FAM117A: variants seen among roughly 807,000 people sequenced by gnomAD.
The protein encoded by FAM117A is family with sequence similarity 117 member A.
In FAM117A, 21 loss-of-function variants were observed where a neutral mutation model predicts 44.1. The ratio of observed to expected loss-of-function variants is 0.48; its 90% confidence interval spans 0.34 to 0.69. The LOEUF (loss-of-function observed/expected upper bound fraction) is 0.69, where lower values mean the gene tolerates loss of function less well. Ranked by LOEUF, FAM117A falls within the 30% of genes least tolerant of loss-of-function variation. The pLI is 0.01. For synonymous variants in FAM117A, 220 were observed against 238.3 expected, an observed-to-expected ratio of 0.92 and a Z score of 0.71; for missense variants, 498 against 589.9, an observed-to-expected ratio of 0.84 and a Z score of 1.61.
Position 49,764,000 on chromosome 17 carries a change from G to A in FAM117A, c.88C>T (p.Pro30Ser). 1 of 1,207,488 alleles carries A rather than the reference G, an allele frequency of 8.3e-7. No individual in the cohort carries two copies. The highest frequency in any genetic ancestry group is 1.0e-6 in the Non-Finnish European group (1 of 967,888). 74.8% of individuals were successfully genotyped at this position (1,207,488 alleles called of 1,614,324 possible). A position where few individuals can be genotyped will look rare whatever the true frequency, so the allele number is the denominator to read the frequency against. The change falls in exon 1 of 8, where the codon CCC becomes TCC. Residue 30 changes from proline (P) to serine (S), a missense_variant. Physicochemically the swap from Pro to Ser is moderately conservative, Grantham distance 74. This residue lies in a region of FAM117A where 270 missense variants were observed against 277.4 expected (regional missense o/e 0.97). Coordinates refer to ENST00000240364, the MANE Select transcript of FAM117A (RefSeq NM_030802.4). ...CGGGGGGAGCCGGCGGGGGCTGGGG[G>A]AGAGCAGCCCCGCCGGAGCCCCCCG... is the stretch of plus-strand genomic sequence containing the variant. The part of the protein sequence containing the change: ...GAGGLRRGCS[P>S]PAPAGSPRAG...
intron 2 of FAM117A, among the ~76,000 whole-genome samples, chr17:49,724,145 A>G (rs892413632): frequency 6.6e-6 from 1 of 152,162 alleles, no homozygotes; most frequent in African/African-American, 2.4e-5. Context: ...AGGCTGGTGC[A>G]TGCACTGAAA....
intron 2 of FAM117A, chr17:49,724,367 C>T (rs1353206346): frequency 8.8e-6 from 4 of 456,172 alleles, no homozygotes; most frequent in African/African-American, 2.0e-5. Context: ...GCCCATTTCC[C>T]TTCCTCAGGG....
intron 1 of FAM117A, among the ~76,000 whole-genome samples, chr17:49,754,336 G>A (rs1251452065): frequency 6.6e-6 from 1 of 150,566 alleles, no homozygotes; most frequent in Non-Finnish European, 1.5e-5. Flanking sequence ...ATGGAGTCTC[G>A]CTCTGTCACC....
At chr17:49,723,160 A>G (rs1286478663) in intron 2 of FAM117A, among the ~76,000 whole-genome samples, 2 of 152,154 alleles carry the variant, frequency 1.3e-5, no homozygotes, top group African/African-American at 4.8e-5. Flanking sequence ...TGCACATGGA[A>G]TAAGTGTTAC....
intron 1 of FAM117A, among the ~76,000 whole-genome samples, chr17:49,747,440 T>C (rs1273279131): frequency 1.3e-5 from 2 of 152,204 alleles, no homozygotes; most frequent in African/African-American, 4.8e-5. Flanking sequence ...CATTTTGCTC[T>C]GGGCTATGGG....
chr17:49,741,622 A>C (rs537374552), intron 1 of FAM117A, among the ~76,000 whole-genome samples: 11 of 152,244 alleles, frequency 7.2e-5, no homozygotes, highest in African/African-American at 2.4e-4. Context: ...GTCCTGTCCT[A>C]GTTGTGATAC....
At chr17:49,788,658 G>A, upstream of FAM117A, 1 of 576,448 alleles carries the variant, frequency 1.7e-6, no homozygotes, top group African/African-American at 2.0e-5. Flanking sequence ...GAAGGAAAAA[G>A]CGCTTCAGCC....
At position 49,738,757 on chromosome 17, in the gene FAM117A, G is replaced by A. The variant is rs139779478; in HGVS notation, c.197-6037C>T. Among the ~76,000 whole-genome samples the A allele has an allele frequency of 1.8e-4, 28 of 152,226 alleles. No individual in the cohort carries two copies. The East Asian group carries it at 4.6e-3, about 25-fold the overall frequency. On this transcript the variant is annotated intron_variant, in intron 1 of 7. Transcript: ENST00000240364. ...CATGTCCCAGCTCTTTTGAGGAGAC[G>A]AAAATACCATATTTCCTTTAAGCCT...
At chr17:49,783,657 G>A (rs2073796756) in intron 1 of FAM117A, among the ~76,000 whole-genome samples, 2 of 152,174 alleles carry the variant, frequency 1.3e-5, no homozygotes, top group South Asian at 2.1e-4. Context: ...TAGTGACTGT[G>A]CTGACCATTT....
upstream of FAM117A, chr17:49,788,941 C>G: frequency 8.1e-7 from 1 of 1,235,538 alleles, no homozygotes; most frequent in East Asian, 2.9e-5. Context: ...TGCTTGGGTC[C>G]CAACTTTCCG....
intron 1 of FAM117A, among the ~76,000 whole-genome samples, chr17:49,734,796 G>T (rs1372242096): frequency 2.6e-5 from 4 of 152,074 alleles, no homozygotes; most frequent in Non-Finnish European, 5.9e-5. Flanking sequence ...TCCACGAATG[G>T]AGAAACGGAT....
At chr17:49,747,140 A>G (rs1316722833) in intron 1 of FAM117A, 1 of 136,120 alleles carries the variant, frequency 7.3e-6, no homozygotes, top group East Asian at 2.0e-4. Context: ...AGATAAGTAG[A>G]AAAAAAAAAA....
chr17:49,753,350 T>C (rs998676091), intron 1 of FAM117A, among the ~76,000 whole-genome samples: 7 of 151,958 alleles, frequency 4.6e-5, no homozygotes, highest in Admixed American at 2.6e-4. Context: ...GCAAAAGGGG[T>C]TTATTAGTCA....
chr17:49,754,931 G>A (rs945356609), intron 1 of FAM117A, among the ~76,000 whole-genome samples: 5 of 151,154 alleles, frequency 3.3e-5, no homozygotes, highest in East Asian at 2.0e-4. Context: ...CCAGCTACTC[G>A]AGAGGCTGAG....
chr17:49,767,181 G>T (rs765909217), upstream of FAM117A, among the ~76,000 whole-genome samples: 12 of 152,234 alleles, frequency 7.9e-5, no homozygotes, highest in Non-Finnish European at 1.3e-4. Flanking sequence ...GCATGGGCAT[G>T]ATGGGAGGAT....
intron 5 of FAM117A, 151 bp downstream of exon 5, chr17:49,719,609 A>T: frequency 1.0e-6 from 1 of 974,912 alleles, no homozygotes; most frequent in Non-Finnish European, 1.5e-6. Context: ...AATAAACTCC[A>T]TTTGCATTCC....
intron 1 of FAM117A, among the ~76,000 whole-genome samples, chr17:49,737,796 C>T (rs1196902432): frequency 6.6e-6 from 1 of 152,228 alleles, no homozygotes; most frequent in Non-Finnish European, 1.5e-5. Flanking sequence ...AGCTTAGTCT[C>T]TGATTAGACT....
Position 49,764,121 on chromosome 17 carries a change from G to C in FAM117A, c.-34C>G, listed in dbSNP as rs1053901440. 8.7e-6 allele frequency: 10 copies of C among 1,152,044 alleles called. No homozygotes were observed. Among genetic ancestry groups the C allele is most frequent in the Non-Finnish European group, 1.1e-5 (10 of 899,184 alleles). 71.4% of individuals were successfully genotyped at this position (1,152,044 alleles called of 1,614,324 possible). A position where few individuals can be genotyped will look rare whatever the true frequency, so the allele number is the denominator to read the frequency against. On this transcript the variant is annotated 5_prime_UTR_variant, in exon 1 of 8. Coordinates refer to ENST00000240364, the MANE Select transcript of FAM117A (RefSeq NM_030802.4). ...CGGCTGCCTGCCTCAGCCCCACTGCGAGACTCACACAGCCCCCCAACCCCC... is the reference window on the plus strand; with the variant it reads ...CGGCTGCCTGCCTCAGCCCCACTGCCAGACTCACACAGCCCCCCAACCCCC...
intron 5 of FAM117A, 166 bp downstream of exon 5, chr17:49,719,594 A>T: frequency 1.2e-6 from 1 of 835,010 alleles, no homozygotes; most frequent in Non-Finnish European, 1.8e-6. Context: ...AGGCCATTTG[A>T]GACTAATAAA....
Sources: gnomAD v4.1 joint callset for allele counts (sites outside exome capture counted in the v4.1 genomes callset) on GRCh38, gnomAD v4.1.1 for gene constraint, gnomAD v4.1.1 regional missense constraint, MANE v1.5 for transcripts, NCBI Gene and HGNC (gene_info 2026-07-23, HGNC 2026-07-21) for gene names.